The following HMCN1 variants were observed in gnomAD, a reference collection of about 807,000 sequenced individuals.
HMCN1 encodes hemicentin-1.
In HMCN1, 321 loss-of-function variants were observed where a neutral mutation model predicts 625.9. The ratio of observed to expected loss-of-function variants is 0.51; its 90% CI spans 0.47 to 0.56. The LOEUF (loss-of-function observed/expected upper bound fraction) is 0.56, where lower values mean the gene tolerates loss of function less well. HMCN1 is among the 20% of genes least tolerant of loss of function. The pLI is 0.00. For synonymous variants in HMCN1, 2,425 were observed against 2,417.6 expected (o/e 1.00, Z -0.09); for missense variants, 6,588 against 6,887.3 (o/e 0.96, Z 1.54).
intron 30 of HMCN1, among the ~76,000 whole-genome samples, chr1:186,008,742 A>T (rs565345231): frequency 3.3e-5 from 5 of 152,234 alleles, no homozygotes; most frequent in Admixed American, 6.5e-5. Flanking sequence ...CTTTACGTGG[A>T]TTATTGAGCT....
At chr1:185,920,793 C>T (rs557858759) in intron 6 of HMCN1, among the ~76,000 whole-genome samples, 6 of 152,152 alleles carry the variant, frequency 3.9e-5, no homozygotes, top group South Asian at 4.1e-4. Context: ...TGGCAAATTA[C>T]GTGTCATATT....
chr1:186,183,684 A>G (rs1653092519), intron 105 of HMCN1, among the ~76,000 whole-genome samples: 1 of 152,206 alleles, frequency 6.6e-6, no homozygotes, highest in Non-Finnish European at 1.5e-5. Context: ...ACTAATTATC[A>G]GAGTGATTAT....
chr1:186,152,597 G>A (rs762504215), intron 95 of HMCN1, among the ~76,000 whole-genome samples, 153 bp from the exon 96 acceptor site: 33 of 152,144 alleles, frequency 2.2e-4, no homozygotes, highest in Non-Finnish European at 2.5e-4. Flanking sequence ...CTCTTTAATT[G>A]GGAGGTTAAG....
chr1:185,959,001 T>C (rs1207670733), intron 11 of HMCN1, among the ~76,000 whole-genome samples: 7 of 152,196 alleles, frequency 4.6e-5, no homozygotes, highest in Non-Finnish European at 8.8e-5. Flanking sequence ...TGTGAGATCT[T>C]TGAAGGCATA....
chr1:185,811,995 A>T (rs1260421112), intron 1 of HMCN1, among the ~76,000 whole-genome samples: 1 of 152,220 alleles, frequency 6.6e-6, no homozygotes, highest in Non-Finnish European at 1.5e-5. Context: ...GTTTATGAAG[A>T]TAGTTTCCTT....
In HMCN1 at chr1:186,069,741, G is replaced by A. The variant is rs1400444097; in HGVS notation, c.7958G>A (p.Gly2653Glu). ...RYSCVATNEA[G>E]EMIKHYEVKV... ...TCTTGTGTAGCCACGAATGAGGCTG[G>A]AGAAATGATAAAGCACTATGAAGTG... The change falls in exon 51 of 107, where the codon GGA (glycine) becomes GAA (glutamate). Residue 2653 changes from glycine to glutamate, a missense_variant. Physicochemically the swap from Gly to Glu is moderately conservative, Grantham distance 98. Coordinates refer to ENST00000271588, the MANE Select transcript of HMCN1 (RefSeq NM_031935.3). 1 of 1,613,218 alleles carries A rather than the reference G, an allele frequency of 6.2e-7. No individual in the cohort carries two copies. The highest frequency in any genetic ancestry group is 1.7e-5 in the Admixed American group (1 of 59,984).
intron 4 of HMCN1, among the ~76,000 whole-genome samples, chr1:185,870,498 C>A (rs1176445112): frequency 6.6e-6 from 1 of 152,142 alleles, no homozygotes; most frequent in Non-Finnish European, 1.5e-5. Flanking sequence ...AACTTACCAG[C>A]CTGTTGTATT....
chr1:186,141,896 T>C (rs1649985540), intron 89 of HMCN1, among the ~76,000 whole-genome samples: 1 of 152,216 alleles, frequency 6.6e-6, no homozygotes, highest in Non-Finnish European at 1.5e-5. Flanking sequence ...CCTAGCATTG[T>C]GCTCCTCTAC....
intron 28 of HMCN1, among the ~76,000 whole-genome samples, chr1:186,002,969 T>C (rs1203984495): frequency 1.3e-5 from 2 of 152,134 alleles, no homozygotes; most frequent in African/African-American, 4.8e-5. Context: ...AAGTCTATCA[T>C]CATTCATGAG....
At chr1:186,121,127 AAG>A (rs1249784156) in intron 80 of HMCN1, among the ~76,000 whole-genome samples, 2 of 152,166 alleles carry the variant, frequency 1.3e-5, no homozygotes, top group Non-Finnish European at 2.9e-5. Flanking sequence ...CAAGTCAAGA[AAG>A]AGTGAGAAAA....
intron 1 of HMCN1, among the ~76,000 whole-genome samples, chr1:185,809,018 G>A (rs376605999): frequency 2.0e-5 from 3 of 152,146 alleles, no homozygotes; most frequent in African/African-American, 7.2e-5. Context: ...GATCCAAATG[G>A]GTAATTACCT....
Position 185,734,823 on chromosome 1 carries a change from T to G in HMCN1, c.44T>G (p.Leu15Arg). 6.2e-7 allele frequency: 1 copy of G among 1,614,090 alleles called. No individual in the cohort carries two copies. Among genetic ancestry groups the G allele is most frequent in the Non-Finnish European group, 8.5e-7 (1 of 1,179,958 alleles). ...EVVHTVFLFA[L>R]LYSSLAQDAS... ...GTCCATACAGTATTCCTGTTTGCTC[T>G]TCTTTATTCTTCCCTAGCTCAAGAT... The change falls in exon 1 of 107, where the codon CTT (leucine) becomes CGT (arginine). Residue 15 changes from leucine to arginine, a missense_variant. Coordinates refer to ENST00000271588, the MANE Select transcript of HMCN1 (RefSeq NM_031935.3).
intron 11 of HMCN1, among the ~76,000 whole-genome samples, chr1:185,952,260 C>T (rs1029870750): frequency 1.3e-5 from 2 of 149,746 alleles, no homozygotes; most frequent in African/African-American, 2.5e-5. Context: ...GTAAGCCGGA[C>T]CAGGTGTGAG....
At chr1:185,902,387 ATCTATCTATCTATCTATC>A (rs1410846625) in intron 4 of HMCN1, among the ~76,000 whole-genome samples, 2 of 142,756 alleles carry the variant, frequency 1.4e-5, no homozygotes, top group East Asian at 2.0e-4. Context: ...GTCTCTATCT[ATCTATCTATCTATCTATC>A]TCTATCTATC....
chr1:185,895,842 T>G (rs951317736), intron 4 of HMCN1, among the ~76,000 whole-genome samples: 31 of 152,218 alleles, frequency 2.0e-4, no homozygotes, highest in Non-Finnish European at 4.4e-5. Flanking sequence ...GCCCTTTCCT[T>G]GGTAAGTAAG....
At chr1:186,049,315 A>C (rs967777853) in intron 42 of HMCN1, among the ~76,000 whole-genome samples, 3 of 152,130 alleles carry the variant, frequency 2.0e-5, no homozygotes, top group Non-Finnish European at 4.4e-5. Context: ...TTACTAATTA[A>C]GGTAATTCTC....
chr1:186,113,061 T>A, intron 72 of HMCN1, 108 bp downstream of exon 72: 1 of 1,351,598 alleles, frequency 7.4e-7, no homozygotes, highest in Non-Finnish European at 1.0e-6. Context: ...TGTGCTTATC[T>A]TACTGCTTTT....
chr1:186,139,698 C>T (rs1053773357), intron 89 of HMCN1, among the ~76,000 whole-genome samples: 1 of 151,586 alleles, frequency 6.6e-6, no homozygotes, highest in Non-Finnish European at 1.5e-5. Context: ...TGTCCTAGAG[C>T]CATTCAATGA....
At chr1:185,968,200 T>C (rs1405864509) in intron 14 of HMCN1, among the ~76,000 whole-genome samples, 1 of 152,062 alleles carries the variant, frequency 6.6e-6, no homozygotes, top group Non-Finnish European at 1.5e-5. Flanking sequence ...ATTCTTATTA[T>C]CTCAAAAGTG....
Sources: gnomAD v4.1 joint callset for allele counts (sites outside exome capture counted in the v4.1 genomes callset) on GRCh38, gnomAD v4.1.1 for gene constraint, MANE v1.5 for transcripts, NCBI Gene and HGNC (gene_info 2026-07-23, HGNC 2026-07-21) for gene names.